Variants in SLFN12 observed in about 807,000 individuals in gnomAD.
The protein encoded by SLFN12 is ribonuclease SLFN12.
SLFN12 carries 25 observed loss-of-function variants against 29.1 expected under a neutral mutation model. The observed-to-expected ratio is 0.86, with a 90% CI of 0.63 to 1.20. The LOEUF is 1.20. SLFN12 is among the 50% of genes most tolerant of loss of function. The pLI is 0.00. For missense variants in SLFN12, 660 were observed against 666.2 expected (o/e 0.99, Z 0.10); for synonymous variants, 257 against 238.7 (o/e 1.08, Z -0.71).
At chr17:35,428,451 A>T (rs1251499493) in intron 1 of SLFN12, among the ~76,000 whole-genome samples, 2 of 152,030 alleles carry the variant, frequency 1.3e-5, no homozygotes, top group Non-Finnish European at 2.9e-5. Flanking sequence ...GGATTACAGA[A>T]CTTTTCCCCT....
At position 35,422,376 on chromosome 17, in the gene SLFN12, A is replaced by T. The variant is rs1159194837; in HGVS notation, c.653T>A (p.Ile218Asn). 1 of 1,613,894 alleles carries T rather than the reference A, an allele frequency of 6.2e-7. No individual in the cohort carries two copies. Among genetic ancestry groups the T allele is most frequent in the Non-Finnish European group, 8.5e-7 (1 of 1,179,988 alleles). Residue 218 changes from isoleucine (I) to asparagine (N), a missense_variant, in exon 2 of 4, where the codon ATT becomes AAT. Physicochemically the swap from Ile to Asn is moderately radical, Grantham distance 149. Coordinates refer to ENST00000304905, the MANE Select transcript of SLFN12 (RefSeq NM_018042.5). The stretch of plus-strand genomic sequence containing the variant: ...AACATATTGAGGGAGAATCTCTTTA[A>T]TTCGTTGTAACAACTTTTCTGTCGA... ...NFSTEKLLQR[I>N]KEILPQYVSA...
At chr17:35,425,770 C>T (rs1353265534) in intron 1 of SLFN12, among the ~76,000 whole-genome samples, 3 of 150,378 alleles carry the variant, frequency 2.0e-5, no homozygotes, top group Non-Finnish European at 3.0e-5. Context: ...ATTTCATTCC[C>T]TCTGGATATT....
At chr17:35,421,811 A>C (rs991393428) in intron 2 of SLFN12, among the ~76,000 whole-genome samples, 179 bp downstream of exon 2, 1 of 151,682 alleles carries the variant, frequency 6.6e-6, no homozygotes, top group African/African-American at 2.4e-5. Context: ...AAGTGCTGGG[A>C]ATACAGACGT....
At chr17:35,433,134 G>C (rs910997605), upstream of SLFN12, 1 of 152,206 alleles carries the variant, frequency 6.6e-6, no homozygotes, top group Non-Finnish European at 1.5e-5. Flanking sequence ...CCAGGCTACA[G>C]TCCGCGGGCT....
chr17:35,415,447 G>A (rs62081003), intron 3 of SLFN12, among the ~76,000 whole-genome samples: 2,652 of 152,110 alleles, frequency 0.017, 30 homozygotes, highest in South Asian at 0.038. Flanking sequence ...TCTAGACGTT[G>A]GCTTAGGCAA....
Position 35,411,843 on chromosome 17 carries a change from C to A in SLFN12, c.1232G>T (p.Cys411Phe). Residue 411 changes from cysteine to phenylalanine, a missense_variant, in exon 4 of 4, where the codon TGT becomes TTT. Transcript: ENST00000304905. Reference protein sequence around the residue: ...LQHEGLKQLICEEMDSVRKGS... With the variant: ...LQHEGLKQLIFEEMDSVRKGS... ...CTTTCTGACAGAGTCCATTTCTTCA[C>A]ATATTAATTGCTTAAGTCCTTCATG... 6.2e-7 allele frequency: 1 copy of A among 1,614,016 alleles called. No individual in the cohort carries two copies. The highest frequency in any genetic ancestry group is 8.5e-7 in the Non-Finnish European group (1 of 1,179,984).
chr17:35,414,871 A>T (rs1198909318), intron 3 of SLFN12, among the ~76,000 whole-genome samples: 2 of 152,176 alleles, frequency 1.3e-5, no homozygotes, highest in Non-Finnish European at 2.9e-5. Flanking sequence ...CATAGATGAA[A>T]CAAACAAATG....
At chr17:35,421,487 ATATC>A (rs1911644195) in intron 2 of SLFN12, among the ~76,000 whole-genome samples, 1 of 151,072 alleles carries the variant, frequency 6.6e-6, no homozygotes, top group African/African-American at 2.4e-5. Context: ...ATTTTATGAA[ATATC>A]TATCTTCTTC....
chr17:35,426,616 A>T (rs917795545), intron 1 of SLFN12, among the ~76,000 whole-genome samples: 2 of 152,146 alleles, frequency 1.3e-5, no homozygotes, highest in Non-Finnish European at 2.9e-5. Flanking sequence ...TGAATAGGTC[A>T]TATTTTTCTG....
chr17:35,415,845 G>A (rs1911281332), intron 3 of SLFN12, among the ~76,000 whole-genome samples: 1 of 152,058 alleles, frequency 6.6e-6, no homozygotes, highest in African/African-American at 2.4e-5. Context: ...ATAATTAAAA[G>A]TCAAAAAATA....
rs903893253 is a variant in SLFN12 at position 35,422,550 on chromosome 17, G to T, written c.479C>A (p.Pro160Gln). 6.2e-7 allele frequency: 1 copy of T among 1,614,028 alleles called. No individual in the cohort carries two copies. The highest frequency in any genetic ancestry group is 1.3e-5 in the African/African-American group (1 of 75,024). The change falls in exon 2 of 4, where the codon CCA (proline) becomes CAA (glutamine). Residue 160 changes from proline to glutamine, a missense_variant. By Grantham distance (76) the Pro-to-Gln change is moderately conservative. Transcript: ENST00000304905. ...KKTRGRLYLR[P>Q]ELLAKRPCVD... Reference sequence around the variant, plus strand: ...ACAGGGCCTCTTTGCCAGCAATTCTGGTCTTAAATACAATCTCCCTCTAGT... The same window carrying T: ...ACAGGGCCTCTTTGCCAGCAATTCTTGTCTTAAATACAATCTCCCTCTAGT...
intron 3 of SLFN12, among the ~76,000 whole-genome samples, chr17:35,417,607 G>T (rs548085356): frequency 2.0e-4 from 31 of 151,984 alleles, no homozygotes; most frequent in African/African-American, 7.5e-4. Context: ...TTTGCATTAA[G>T]AATTGTCTAA....
chr17:35,412,424 G>A (rs1911079650), intron 3 of SLFN12, among the ~76,000 whole-genome samples: 1 of 152,088 alleles, frequency 6.6e-6, no homozygotes, highest in Non-Finnish European at 1.5e-5. Flanking sequence ...AGTTTCTTCA[G>A]CCTCATGGTG....
rs549403462 is a variant in SLFN12, at chr17:35,426,050, A to G, written c.-40-2982T>C. On this transcript the variant is annotated intron_variant, in intron 1 of 3. Coordinates refer to ENST00000304905, the MANE Select transcript of SLFN12 (RefSeq NM_018042.5). ...ATTTGCATTTTCCTGATGATTAGTA[A>G]TGTTGAGCATTATTTCATATATCTG... 1.9e-3 allele frequency among the ~76,000 whole-genome samples: 291 copies of G among 150,632 alleles called. 3 individuals carry two copies. Among genetic ancestry groups the G allele is most frequent in the African/African-American group, 6.5e-3 (268 of 41,142 alleles).
intron 2 of SLFN12, chr17:35,420,898 G>A (rs950822706): frequency 6.6e-6 from 1 of 152,188 alleles, no homozygotes; most frequent in Non-Finnish European, 1.5e-5. Flanking sequence ...AAAAGGAAGC[G>A]GTTTTATAGG....
rs754666684 is a variant in SLFN12 at position 35,411,743 on chromosome 17, A to G, written c.1332T>C (p.Ala444=). The G allele has an allele frequency of 2.5e-6, 4 of 1,613,936 alleles. No homozygotes were observed. The highest frequency in any genetic ancestry group is 2.7e-5 in the African/African-American group (2 of 74,914). ...GAGGACTGTCCTGGGAAATCAGAAG[A>G]GCATCACAGAGGACTTTGTGGTTCT... ...LQENHKVLCD[A]LLISQDSPPV... The change falls in exon 4 of 4, where the codon GCT becomes GCC. Residue 444 remains alanine (A), a synonymous_variant. Transcript: ENST00000304905.
At chr17:35,413,562 A>G (rs1448023203) in intron 3 of SLFN12, among the ~76,000 whole-genome samples, 1 of 152,020 alleles carries the variant, frequency 6.6e-6, no homozygotes, top group South Asian at 2.1e-4. Context: ...AACCTGGCCA[A>G]CATGGTGACA....
chr17:35,421,041 C>T (rs2142039661), intron 2 of SLFN12, among the ~76,000 whole-genome samples: 1 of 151,822 alleles, frequency 6.6e-6, no homozygotes, highest in South Asian at 2.1e-4. Context: ...AACTCCGTCT[C>T]TACTAAAAAT....
chr17:35,411,428 G>T lies in SLFN12; in HGVS notation c.1647C>A (p.Ser549=). The T allele has an allele frequency of 6.2e-7, 1 of 1,611,976 alleles. No homozygotes were observed. Among genetic ancestry groups the T allele is most frequent in the Non-Finnish European group, 8.5e-7 (1 of 1,179,372 alleles). ...TTATCTGGTATAGATTTTCTGCAAA[G>T]GAAAACTGGTCTCTCAGAGACTTGA... ...KRLKSLRDQF[S]FAENLYQIIG... Residue 549 remains serine (S), a synonymous_variant, in exon 4 of 4, where the codon TCC becomes TCA. Coordinates refer to ENST00000304905, the MANE Select transcript of SLFN12 (RefSeq NM_018042.5).
Sources: allele counts gnomAD v4.1 joint callset (sites outside exome capture counted in the v4.1 genomes callset), GRCh38; gene constraint gnomAD v4.1.1; transcripts MANE v1.5; gene names NCBI Gene and HGNC (gene_info 2026-07-23, HGNC 2026-07-21).